The following MALRD1 variants were observed in gnomAD, a reference collection of about 807,000 sequenced individuals.
MALRD1 encodes MAM and LDL-receptor class A domain-containing protein 1.
Under a neutral mutation model 242.1 loss-of-function variants are expected in MALRD1, and 247 were observed. The ratio of observed to expected loss-of-function variants is 1.02; its 90% CI spans 0.92 to 1.13. The LOEUF is 1.13. Among genes scored for constraint, MALRD1 ranks in the 50% most tolerant of loss-of-function variants. The pLI, the probability that MALRD1 is intolerant of heterozygous loss-of-function variation, is 0.00. For synonymous variants in MALRD1, 995 were observed against 866.6 expected (o/e 1.15, Z -2.60); for missense variants, 2,989 against 2,533.1 (o/e 1.18, Z -3.86).
intron 26 of MALRD1, among the ~76,000 whole-genome samples, chr10:19,376,513 A>G (rs1300791059): frequency 6.7e-6 from 1 of 149,476 alleles, no homozygotes; most frequent in East Asian, 2.0e-4. Context: ...GGAGGAAAAA[A>G]TGTTTGAAAG....
intron 38 of MALRD1, among the ~76,000 whole-genome samples, chr10:19,702,119 ACATAGAAT>A (rs1294680009): frequency 2.0e-5 from 3 of 152,200 alleles, no homozygotes; most frequent in Non-Finnish European, 4.4e-5. Flanking sequence ...CACGTCTACA[ACATAGAAT>A]ATGTTAGAAA....
intron 18 of MALRD1, among the ~76,000 whole-genome samples, chr10:19,223,878 C>T (rs1292526306): frequency 1.3e-5 from 2 of 152,094 alleles, no homozygotes; most frequent in African/African-American, 2.4e-5. Flanking sequence ...GGACATGAAT[C>T]CATCCTTTTT....
intron 18 of MALRD1, among the ~76,000 whole-genome samples, chr10:19,213,140 A>T (rs555569523): frequency 6.6e-6 from 1 of 152,224 alleles, no homozygotes; most frequent in African/African-American, 2.4e-5. Context: ...CTGTGGGGTC[A>T]TATCAAAGAA....
chr10:19,408,581 TAAAC>T (rs1336426294), intron 28 of MALRD1, among the ~76,000 whole-genome samples: 6 of 151,910 alleles, frequency 3.9e-5, no homozygotes, highest in African/African-American at 1.2e-4. Flanking sequence ...ACAAAAAAAT[TAAAC>T]AATCCAATTA....
chr10:19,399,592 G>C (rs1241934419), intron 28 of MALRD1, among the ~76,000 whole-genome samples: 1 of 152,078 alleles, frequency 6.6e-6, no homozygotes, highest in Non-Finnish European at 1.5e-5. Context: ...AGTTGGAGTA[G>C]AGAGAAAACC....
intron 12 of MALRD1, among the ~76,000 whole-genome samples, chr10:19,163,136 C>CAAAAAAAAAAAAAAAAAAAAAAA (rs1564433382): frequency 2.7e-5 from 1 of 36,918 alleles, no homozygotes; most frequent in African/African-American, 1.2e-4. Flanking sequence ...GAAACCCTGT[C>CAAAAAAAAAAAAAAAAAAAAAAA]TAAAAAAAAA....
chr10:19,606,150 T>C (rs3852481), intron 34 of MALRD1, among the ~76,000 whole-genome samples: 92,350 of 151,936 alleles, frequency 0.61, 29,161 homozygotes, highest in African/African-American at 0.8. Flanking sequence ...TTATTTGTTC[T>C]AACTCATAAT....
chr10:19,605,289 G>A (rs1032648143), intron 34 of MALRD1, among the ~76,000 whole-genome samples: 1 of 151,266 alleles, frequency 6.6e-6, no homozygotes, highest in East Asian at 1.9e-4. Flanking sequence ...CAAGTAGCTG[G>A]CACTACAGGC....
intron 38 of MALRD1, among the ~76,000 whole-genome samples, chr10:19,706,286 A>G (rs2131859027): frequency 6.6e-6 from 1 of 152,336 alleles, no homozygotes; most frequent in South Asian, 2.1e-4. Flanking sequence ...TTGAAAGCTA[A>G]CAAAAGAGAT....
intron 5 of MALRD1, among the ~76,000 whole-genome samples, chr10:19,121,683 A>G (rs1465357652): frequency 1.3e-5 from 2 of 152,170 alleles, no homozygotes; most frequent in African/African-American, 4.8e-5. Flanking sequence ...TTCTGTCTAA[A>G]TGGAAGACGT....
chr10:19,388,881 G>GAAAA (rs11405183), intron 27 of MALRD1, among the ~76,000 whole-genome samples: 13 of 117,022 alleles, frequency 1.1e-4, no homozygotes, highest in East Asian at 4.6e-4. Context: ...TAGGTCTACT[G>GAAAA]AAAAAAAAAA....
At chr10:19,253,952 A>G (rs1839400053) in intron 18 of MALRD1, among the ~76,000 whole-genome samples, 1 of 151,770 alleles carries the variant, frequency 6.6e-6, no homozygotes, top group Non-Finnish European at 1.5e-5. Flanking sequence ...ACAAAATCTG[A>G]TGGTTTTATA....
chr10:19,493,826 CAAAA>C (rs924708048), intron 30 of MALRD1, among the ~76,000 whole-genome samples: 1 of 150,870 alleles, frequency 6.6e-6, no homozygotes. Context: ...AACAAAAAAA[CAAAA>C]AACACGACAA....
At chr10:19,099,004 C>T (rs993250217) in intron 4 of MALRD1, among the ~76,000 whole-genome samples, 2 of 152,246 alleles carry the variant, frequency 1.3e-5, no homozygotes, top group Non-Finnish European at 2.9e-5. Context: ...AAAAGCTGGC[C>T]TTTCCCACAC....
chr10:19,109,428 G>A (rs1009590845), intron 5 of MALRD1, among the ~76,000 whole-genome samples: 1 of 152,106 alleles, frequency 6.6e-6, no homozygotes, highest in African/African-American at 2.4e-5. Context: ...CTCTATCTCC[G>A]GGTCAGTCAT....
chr10:19,278,963 C>T (rs1027096763), intron 19 of MALRD1, among the ~76,000 whole-genome samples: 1 of 152,112 alleles, frequency 6.6e-6, no homozygotes, highest in Non-Finnish European at 1.5e-5. Flanking sequence ...AGACTATGGA[C>T]GATTCACCAC....
chr10:19,267,518 A>G (rs1007109878), intron 19 of MALRD1, among the ~76,000 whole-genome samples: 4 of 152,028 alleles, frequency 2.6e-5, no homozygotes, highest in Middle Eastern at 3.2e-3. Context: ...TTTATTTACA[A>G]ATGGTGTTTA....
At chr10:19,130,293 C>T (rs1392503108) in intron 8 of MALRD1, among the ~76,000 whole-genome samples, 1 of 152,076 alleles carries the variant, frequency 6.6e-6, no homozygotes, top group Non-Finnish European at 1.5e-5. Context: ...CCATTCATGC[C>T]TCAATATTTC....
intron 2 of MALRD1, among the ~76,000 whole-genome samples, chr10:19,078,521 A>G (rs1392072207): frequency 6.6e-6 from 1 of 151,820 alleles, no homozygotes. Context: ...TGGTTTATTA[A>G]GGTAATCGTG....
Sources: gnomAD v4.1 joint callset for allele counts (sites outside exome capture counted in the v4.1 genomes callset) on GRCh38, gnomAD v4.1.1 for gene constraint, MANE v1.5 for transcripts, NCBI Gene and HGNC (gene_info 2026-07-23, HGNC 2026-07-21) for gene names.